LARP1: variants seen among roughly 807,000 people sequenced by gnomAD.
LARP1 encodes the protein la-related protein 1.
In LARP1, 36 loss-of-function variants were observed where a neutral mutation model predicts 122.7. The observed-to-expected ratio is 0.29, with a 90% CI of 0.22 to 0.39. The LOEUF is 0.39. Ranked by LOEUF, LARP1 falls within the 10% of genes least tolerant of loss-of-function variation. The pLI is 1.00. For synonymous variants in LARP1, 539 were observed against 528.7 expected, an observed-to-expected ratio of 1.02 and a Z score of -0.27; for missense variants, 1,040 against 1,403.6, an observed-to-expected ratio of 0.74 and a Z score of 4.14.
intron 1 of LARP1, among the ~76,000 whole-genome samples, chr5:154,781,804 G>A (rs1756473901): frequency 6.6e-6 from 1 of 152,288 alleles, no homozygotes; most frequent in South Asian, 2.1e-4. Flanking sequence ...TGTGTTTTAC[G>A]TGTGGCCCAA....
intron 1 of LARP1, among the ~76,000 whole-genome samples, chr5:154,695,529 C>T (rs543354101): frequency 2.6e-4 from 40 of 151,244 alleles, no homozygotes; most frequent in Non-Finnish European, 5.3e-4. Flanking sequence ...TGGTGGCGCG[C>T]GCCTGTAAAC....
At chr5:154,721,204 C>T (rs1755843854) in intron 1 of LARP1, among the ~76,000 whole-genome samples, 1 of 151,686 alleles carries the variant, frequency 6.6e-6, no homozygotes, top group Non-Finnish European at 1.5e-5. Context: ...TAGATTAGCC[C>T]GGCATGGTGG....
intron 1 of LARP1, among the ~76,000 whole-genome samples, chr5:154,778,581 G>A (rs1051704364): frequency 2.0e-5 from 3 of 152,176 alleles, no homozygotes; most frequent in African/African-American, 7.2e-5. Context: ...TGGGTATAAG[G>A]ACAAAATCAC....
rs1004174688 is a variant in LARP1, at chr5:154,809,368, A to G, written c.2843+765A>G. 3.1e-4 allele frequency among the ~76,000 whole-genome samples: 46 copies of G among 147,290 alleles called. 1 individual carries two copies. Among genetic ancestry groups the G allele is most frequent in the Admixed American group, 2.0e-3 (29 of 14,586 alleles). ...ACCCCCACCCCCTCCCCAATTTTCAATGTAAAATGTGCTCTCTGTAAACTA... is the reference window on the plus strand; with the variant it reads ...ACCCCCACCCCCTCCCCAATTTTCAGTGTAAAATGTGCTCTCTGTAAACTA... On this transcript the variant is annotated intron_variant, in intron 16 of 18. Coordinates refer to ENST00000518297, the MANE Select transcript of LARP1 (RefSeq NM_033551.3).
rs9784707 is a variant in LARP1 at position 154,812,003 on chromosome 5, T to A, written c.3081+363T>A. 7.9e-3 allele frequency among the ~76,000 whole-genome samples: 1,203 copies of A among 152,316 alleles called. 11 individuals carry two copies. The highest frequency in any genetic ancestry group is 0.028 in the African/African-American group (1,164 of 41,568). On this transcript the variant is annotated intron_variant, in intron 18 of 18. Coordinates refer to ENST00000518297, the MANE Select transcript of LARP1 (RefSeq NM_033551.3). ...TGGAAAAAGCCAATTCCAACCCCAG[T>A]TTATAAATTAATGCCCAGGTCTCTT... is the stretch of plus-strand genomic sequence containing the variant.
In LARP1 at chr5:154,755,555, C is replaced by G. The variant is rs1009798440; in HGVS notation, c.-203C>G. 1.0e-5 allele frequency: 10 copies of G among 987,434 alleles called. No individual in the cohort carries two copies. Among genetic ancestry groups the G allele is most frequent in the African/African-American group, 3.5e-5 (2 of 57,250 alleles). 61.2% of individuals were successfully genotyped at this position (987,434 alleles called of 1,614,324 possible). A position where few individuals can be genotyped will look rare whatever the true frequency, so the allele number is the denominator to read the frequency against. On this transcript the variant is annotated 5_prime_UTR_variant, in exon 1 of 19. Coordinates refer to ENST00000518297, the MANE Select transcript of LARP1 (RefSeq NM_033551.3). ...CAGAGTGGGGGGCCTTCCTCCCCCC[C>G]CGCCCCGCTAGTGGGCCTCGGATTT...
intron 7 of LARP1, among the ~76,000 whole-genome samples, chr5:154,794,645 G>T (rs557650752): frequency 2.0e-5 from 3 of 152,270 alleles, no homozygotes; most frequent in Non-Finnish European, 4.4e-5. Flanking sequence ...GTTCTTATCT[G>T]TTGAATTCCT....
intron 8 of LARP1, among the ~76,000 whole-genome samples, chr5:154,798,657 G>A (rs1014559226): frequency 1.4e-4 from 21 of 152,030 alleles, no homozygotes; most frequent in South Asian, 4.2e-4. Flanking sequence ...GTATGCCAGC[G>A]CCACCTTTTT....
At position 154,802,439 on chromosome 5, in the gene LARP1, GC is replaced by G; in HGVS notation, c.2109+42del. 1 of 1,544,152 alleles carries G rather than the reference GC, an allele frequency of 6.5e-7. No homozygotes were observed. Among genetic ancestry groups the G allele is most frequent in the African/African-American group, 1.4e-5 (1 of 72,992 alleles). On this transcript the variant is annotated intron_variant, in intron 11 of 18. Coordinates refer to ENST00000518297, the MANE Select transcript of LARP1 (RefSeq NM_033551.3). This position sits in a 1 kb window ranked among gnomAD's most constrained non-coding sequence, Gnocchi z 5.1. ...TAGCAGTGAGTGTGGAGCCTGGTGT[GC>G]CTGTATTGTACGGAGAAGAGGAAGC... is the stretch of plus-strand genomic sequence containing the variant.
At chr5:154,692,131 A>G (rs1039032888) in intron 1 of LARP1, among the ~76,000 whole-genome samples, 1 of 152,196 alleles carries the variant, frequency 6.6e-6, no homozygotes, top group Admixed American at 6.5e-5. Context: ...CTGGCTCCCT[A>G]GTGCCCTGGA....
chr5:154,702,784 C>T (rs1754776804), intron 1 of LARP1, among the ~76,000 whole-genome samples: 1 of 152,012 alleles, frequency 6.6e-6, no homozygotes, highest in South Asian at 2.1e-4. Context: ...TTTATCTACC[C>T]CCAAGCTAAC....
intron 1 of LARP1, among the ~76,000 whole-genome samples, chr5:154,749,611 A>G (rs1463690478): frequency 6.6e-6 from 1 of 152,192 alleles, no homozygotes; most frequent in Non-Finnish European, 1.5e-5. Context: ...TAATTACGTG[A>G]CATGTGCCAG....
rs36035997 is a variant in LARP1, at chr5:154,693,854, TAAA to T, written c.-180+10833_-180+10835del. 9.2e-5 allele frequency among the ~76,000 whole-genome samples: 12 copies of T among 130,308 alleles called. No individual in the cohort carries two copies. The East Asian group carries it at 2.2e-3, about 24-fold the overall frequency. 85.5% of individuals were successfully genotyped at this position (130,308 alleles called of 152,430 possible). A position where few individuals can be genotyped will look rare whatever the true frequency, so the allele number is the denominator to read the frequency against. On this transcript the variant is annotated intron_variant, in intron 1 of 18. Transcript: ENST00000687700. ...CTGGGCGACAGAGCAAGACTCCGTC[TAAA>T]AAAAAAAAAAAAAAAGAAAGAAAGT...
intron 1 of LARP1, among the ~76,000 whole-genome samples, chr5:154,688,300 T>TTTTTG (rs1390760388): frequency 6.6e-6 from 1 of 152,066 alleles, no homozygotes; most frequent in African/African-American, 2.4e-5. Context: ...TTGAATTCTG[T>TTTTTG]TATAGATTTA....
intron 1 of LARP1, among the ~76,000 whole-genome samples, chr5:154,692,608 G>A (rs75662337): frequency 0.02 from 3,001 of 152,154 alleles, 48 homozygotes; most frequent in Non-Finnish European, 0.031. Context: ...AAAGGCCATT[G>A]CCTGTGAAGA....
intron 8 of LARP1, among the ~76,000 whole-genome samples, chr5:154,797,011 G>A (rs1419774714): frequency 6.6e-6 from 1 of 152,102 alleles, no homozygotes; most frequent in African/African-American, 2.4e-5. Context: ...CCTTTGGTCA[G>A]TGGGACCCTA....
At chr5:154,790,242 G>C in intron 1 of LARP1, 83 bp from the exon 2 acceptor site, 3 of 1,154,828 alleles carry the variant, frequency 2.6e-6, no homozygotes, top group Non-Finnish European at 3.8e-6. Flanking sequence ...AGGTGGAGTG[G>C]GGACGGTGAT....
intron 1 of LARP1, among the ~76,000 whole-genome samples, chr5:154,739,999 G>A (rs1033682616): frequency 2.0e-5 from 3 of 150,824 alleles, no homozygotes; most frequent in African/African-American, 4.9e-5. Flanking sequence ...AGGAGTTGGA[G>A]ACCAGACCAG....
At chr5:154,693,604 C>G (rs1389139300) in intron 1 of LARP1, among the ~76,000 whole-genome samples, 1 of 151,940 alleles carries the variant, frequency 6.6e-6, no homozygotes, top group East Asian at 1.9e-4. Context: ...ACCTGTAATC[C>G]CAGCACTTTG....
Sources: allele counts gnomAD v4.1 joint callset (sites outside exome capture counted in the v4.1 genomes callset), GRCh38; gene constraint gnomAD v4.1.1; non-coding constraint Gnocchi (gnomAD v3.1); transcripts MANE v1.5; gene names NCBI Gene and HGNC (gene_info 2026-07-23, HGNC 2026-07-21).